The following SLC2A1 variants were observed in gnomAD, a reference collection of about 807,000 sequenced individuals.
SLC2A1 encodes solute carrier family 2 member 1.
A neutral mutation model predicts 46.6 loss-of-function variants in SLC2A1; 4 were observed. That is an observed-to-expected ratio of 0.09 (90% CI 0.04 to 0.20). The LOEUF (loss-of-function observed/expected upper bound fraction) is 0.20. SLC2A1 is among the 10% of genes least tolerant of loss of function. SLC2A1 has a pLI of 1.00. For synonymous variants in SLC2A1, 253 were observed against 270.0 expected, an observed-to-expected ratio of 0.94 and a Z score of 0.62; for missense variants, 352 against 667.0, an observed-to-expected ratio of 0.53 and a Z score of 5.20.
intron 1 of SLC2A1, among the ~76,000 whole-genome samples, chr1:42,953,487 G>A (rs1158294333): frequency 6.6e-6 from 1 of 152,212 alleles, no homozygotes; most frequent in African/African-American, 2.4e-5. Flanking sequence ...TGGTCAGGAG[G>A]CCTCCCAGCC....
At chr1:42,938,419 C>T (rs766109817) in intron 2 of SLC2A1, among the ~76,000 whole-genome samples, 66 of 152,216 alleles carry the variant, frequency 4.3e-4, no homozygotes, top group Non-Finnish European at 8.4e-4. Context: ...GATGTCAGCC[C>T]CGCCTGCCTT....
rs527480294 is a variant in SLC2A1, at chr1:42,943,475, C to T, written c.19-154G>A. 8.5e-5 allele frequency among the ~76,000 whole-genome samples: 13 copies of T among 152,334 alleles called. No individual in the cohort carries two copies. In the East Asian group the frequency reaches 2.3e-3, roughly 27 times the overall value. On this transcript the variant is annotated intron_variant, in intron 1 of 9. Transcript: ENST00000426263. ...CCAGGAAACTTGGCCAATTCCTGAC[C>T]TTAGGTGCCCAAACCAGCCTAGCTG...
At position 42,958,833 on chromosome 1, in the gene SLC2A1, G is replaced by A. The variant is rs553580589; in HGVS notation, c.-182C>T. ...GCTCACTCGGGGACCCGCGACTAGC[G>A]ACCGGCACGCTCGCTGTTGCTACCT... On this transcript the variant is annotated 5_prime_UTR_variant, in exon 1 of 10. Coordinates refer to ENST00000426263, the MANE Select transcript of SLC2A1 (RefSeq NM_006516.4). The A allele has an allele frequency of 1.0e-4, 61 of 583,154 alleles. No individual in the cohort carries two copies. In the Admixed American group the frequency reaches 1.6e-3, roughly 15 times the overall value. The allele number at this position is 583,154 out of a possible 1,614,324, so 36.1% of individuals were successfully genotyped here.
chr1:42,943,206 A>G lies in SLC2A1; in HGVS notation c.114+20T>C. On this transcript the variant is annotated intron_variant, in intron 2 of 9. Transcript: ENST00000426263. ...CAGAGCAGGCTGGTGTCCATAAGCC[A>G]ACGATGGCACAGTACTCACCTTCTG... The G allele has an allele frequency of 6.4e-7, 1 of 1,561,716 alleles. No individual in the cohort carries two copies. Among genetic ancestry groups the G allele is most frequent in the Non-Finnish European group, 8.8e-7 (1 of 1,133,374 alleles).
rs1010245303 is a variant in SLC2A1, at chr1:42,958,616, C to G, written c.18+18G>C. The G allele has an allele frequency of 1.1e-5, 17 of 1,523,850 alleles. No homozygotes were observed. Among genetic ancestry groups the G allele is most frequent in the Admixed American group, 6.0e-5 (3 of 50,192 alleles). The allele number at this position is 1,523,850 out of a possible 1,614,324, so 94.4% of individuals were successfully genotyped here. A position where few individuals can be genotyped will look rare whatever the true frequency, so the allele number is the denominator to read the frequency against. On this transcript the variant is annotated intron_variant, in intron 1 of 9. Coordinates refer to ENST00000426263, the MANE Select transcript of SLC2A1 (RefSeq NM_006516.4). Reference sequence around the variant, plus strand: ...CGCCTTTGTTCCTGGCGGGAGGGCCCGCGGGCGCGCGACTCACCTTGCTGC... The same window carrying G: ...CGCCTTTGTTCCTGGCGGGAGGGCCGGCGGGCGCGCGACTCACCTTGCTGC...
intron 1 of SLC2A1, among the ~76,000 whole-genome samples, chr1:42,957,971 G>C (rs1643796066): frequency 6.6e-6 from 1 of 152,208 alleles, no homozygotes; most frequent in Non-Finnish European, 1.5e-5. Context: ...GCAAAGGAGA[G>C]CCTCCGAGAC....
At chr1:42,953,713 G>A (rs1643745968) in intron 1 of SLC2A1, among the ~76,000 whole-genome samples, 1 of 152,154 alleles carries the variant, frequency 6.6e-6, no homozygotes, top group Non-Finnish European at 1.5e-5. Context: ...CAGAGCTCTG[G>A]GCCGACACCC....
At chr1:42,938,226 C>A (rs1182051659) in intron 2 of SLC2A1, among the ~76,000 whole-genome samples, 2 of 75,550 alleles carry the variant, frequency 2.6e-5, no homozygotes, top group African/African-American at 1.2e-4. Context: ...GGGCTCACCT[C>A]TTCTGCTCTG....
At chr1:42,931,827 C>CA (rs35734592) in intron 2 of SLC2A1, among the ~76,000 whole-genome samples, 48,865 of 106,154 alleles carry the variant, frequency 0.46, 12,775 homozygotes, top group Non-Finnish European at 0.58. Context: ...CTCTATGTCT[C>CA]AAAAAAAAAA....
chr1:42,949,105 TG>T (rs1643693441), intron 1 of SLC2A1, among the ~76,000 whole-genome samples: 1 of 147,650 alleles, frequency 6.8e-6, no homozygotes, highest in African/African-American at 2.5e-5. Context: ...TAGTGGGGTG[TG>T]GTGGCACATG....
At chr1:42,951,815 T>A (rs968931097) in intron 1 of SLC2A1, 14 of 399,050 alleles carry the variant, frequency 3.5e-5, no homozygotes, top group African/African-American at 2.7e-4. Context: ...TGCAAGGAAG[T>A]GTCAGACCAC....
chr1:42,934,129 G>A (rs773299804), intron 2 of SLC2A1, among the ~76,000 whole-genome samples: 13 of 152,196 alleles, frequency 8.5e-5, no homozygotes, highest in Non-Finnish European at 1.5e-4. Context: ...CTCTTGAGAT[G>A]TTGGGGCAAC....
At chr1:42,952,309 C>A in intron 1 of SLC2A1, 1 of 456,670 alleles carries the variant, frequency 2.2e-6, no homozygotes, top group Non-Finnish European at 4.4e-6. Context: ...AGCACTGTGT[C>A]CCCCACAGTG....
At chr1:42,931,335 C>T in intron 2 of SLC2A1, 129 bp from the exon 3 acceptor site, 1 of 921,070 alleles carries the variant, frequency 1.1e-6, no homozygotes, top group Non-Finnish European at 1.6e-6. Context: ...ACTGCATGTT[C>T]TTGAGCCAAG....
At chr1:42,928,831 A>G (rs1471540381) in intron 8 of SLC2A1, 101 bp downstream of exon 8, 2 of 1,048,324 alleles carry the variant, frequency 1.9e-6, no homozygotes, top group Non-Finnish European at 3.0e-6. Context: ...GAATGCAGCC[A>G]CCAAAAGGCC....
In SLC2A1 at chr1:42,927,700, A is replaced by G; in HGVS notation, c.1183T>C (p.Phe395Leu). The G allele has an allele frequency of 6.2e-7, 1 of 1,614,216 alleles. No individual in the cohort carries two copies. Residue 395 changes from phenylalanine to leucine, a missense_variant, in exon 9 of 10, where the codon TTC (phenylalanine) becomes CTC (leucine). Physicochemically the swap from Phe to Leu is conservative, Grantham distance 22. Around this residue, in one of 5 missense-constraint regions of SLC2A1, gnomAD observed 35 missense variants for 107.2 expected, o/e 0.33. Transcript: ENST00000426263. This position sits in a 1 kb window ranked among gnomAD's most constrained non-coding sequence, Gnocchi z 5.3. ...PIPWFIVAEL[F>L]SQGPRPAAIA... ...GCAGCTGGACGTGGACCCTGGCTGA[A>G]GAGTTCAGCCACGATGAACCATGGG...
rs201549157 is a variant in SLC2A1, at chr1:42,927,581, T to A, written c.1278+24A>T. 2 of 1,008,702 alleles carry A rather than the reference T, an allele frequency of 2.0e-6. No homozygotes were observed. The highest frequency in any genetic ancestry group is 3.4e-5 in the African/African-American group (1 of 29,204). 62.5% of individuals were successfully genotyped at this position (1,008,702 alleles called of 1,614,324 possible). ...CTGTGGGGTCATGCGTGCGGGTGAG[T>A]ATAGAGACAGTGGGGGTTCTCACCT... On this transcript the variant is annotated intron_variant, in intron 9 of 9. Coordinates refer to ENST00000426263, the MANE Select transcript of SLC2A1 (RefSeq NM_006516.4). The surrounding 1 kb of genome is among the most constrained non-coding windows in gnomAD (Gnocchi z 5.3).
intron 1 of SLC2A1, among the ~76,000 whole-genome samples, chr1:42,955,816 C>T (rs911782546): frequency 2.6e-5 from 4 of 152,166 alleles, no homozygotes; most frequent in Non-Finnish European, 5.9e-5. Flanking sequence ...AGATCGTGGG[C>T]GAACCCCTGG....
At chr1:42,956,714 C>T (rs1643780999) in intron 1 of SLC2A1, among the ~76,000 whole-genome samples, 1 of 152,244 alleles carries the variant, frequency 6.6e-6, no homozygotes, top group South Asian at 2.1e-4. Context: ...AGAGCACCCA[C>T]CTGCTACACT....
Sources: allele counts gnomAD v4.1 joint callset (sites outside exome capture counted in the v4.1 genomes callset), GRCh38; gene constraint gnomAD v4.1.1; regional missense constraint gnomAD v4.1.1; non-coding constraint Gnocchi (gnomAD v3.1); transcripts MANE v1.5; gene names NCBI Gene and HGNC (gene_info 2026-07-23, HGNC 2026-07-21).